SIDT2: variants seen among roughly 807,000 people sequenced by gnomAD.
SIDT2 encodes SID1 transmembrane family member 2.
A neutral mutation model predicts 114.4 loss-of-function variants in SIDT2; 68 were observed. That is an observed-to-expected ratio of 0.59 (90% CI 0.49 to 0.73). The LOEUF is 0.73. Ranked by LOEUF, SIDT2 falls within the 30% of genes least tolerant of loss-of-function variation. The probability of loss-of-function intolerance (pLI) is 0.00; values close to 1 mark genes in which losing one functional copy is unlikely to be tolerated. For missense variants in SIDT2, 918 were observed against 1,097.1 expected (o/e 0.84, Z 2.31); for synonymous variants, 470 against 438.4 (o/e 1.07, Z -0.90).
Position 117,190,856 on chromosome 11 carries a change from G to A in SIDT2, c.1735+116G>A. On this transcript the variant is annotated intron_variant, in intron 18 of 25. Transcript: ENST00000324225. This position sits in a 1 kb window ranked among gnomAD's most constrained non-coding sequence, Gnocchi z 4.1. ...AAGACACCCCTGTAGGAAACTCCAA[G>A]GCTGGCGTGCCTGGGTGTGCACACA... The A allele has an allele frequency of 1.3e-6, 1 of 783,378 alleles. No individual in the cohort carries two copies. The highest frequency in any genetic ancestry group is 1.6e-5 in the South Asian group (1 of 63,722). 48.5% of individuals were successfully genotyped at this position (783,378 alleles called of 1,614,324 possible). A position where few individuals can be genotyped will look rare whatever the true frequency, so the allele number is the denominator to read the frequency against.
rs1346711565 is a variant in SIDT2, at chr11:117,186,634, G to A, written c.1013G>A (p.Ser338Asn). 13 of 1,566,068 alleles carry A rather than the reference G, an allele frequency of 8.3e-6. No homozygotes were observed. Among genetic ancestry groups the A allele is most frequent in the Non-Finnish European group, 1.1e-5 (13 of 1,159,926 alleles). The change falls in exon 10 of 26, where the codon AGC (serine) becomes AAC (asparagine). Residue 338 changes from serine to asparagine, a missense_variant and splice_region_variant. Around this residue, in one of 4 missense-constraint regions of SIDT2, gnomAD observed 553 missense variants for 600.1 expected, o/e 0.92. Coordinates refer to ENST00000324225, the MANE Select transcript of SIDT2 (RefSeq NM_001040455.2). Reference protein sequence around the residue: ...LVAIDRACPESGHPRVLADSF... With the variant: ...LVAIDRACPENGHPRVLADSF... ...GCCATTGACCGAGCCTGCCCAGAAAGCGGTACCTCCAGGGGGCCTGGGTGG... is the reference window on the plus strand; with the variant it reads ...GCCATTGACCGAGCCTGCCCAGAAAACGGTACCTCCAGGGGGCCTGGGTGG...
chr11:117,189,707 G>T, intron 15 of SIDT2: 1 of 599,914 alleles, frequency 1.7e-6, no homozygotes, highest in Non-Finnish European at 3.0e-6. Flanking sequence ...TCTCTGTCCC[G>T]TGGGGCAAGA....
intron 13 of SIDT2, 89 bp from the exon 14 acceptor site, chr11:117,189,080 G>C: frequency 7.3e-7 from 1 of 1,370,476 alleles, no homozygotes; most frequent in East Asian, 2.3e-5. Flanking sequence ...GGCCCTGTGT[G>C]AGGGAGGCCC....
At position 117,192,592 on chromosome 11, in the gene SIDT2, G is replaced by A. The variant is rs1344796913; in HGVS notation, c.2000G>A (p.Arg667His). 33 of 1,609,362 alleles carry A rather than the reference G, an allele frequency of 2.1e-5. No individual in the cohort carries two copies. The highest frequency in any genetic ancestry group is 3.3e-5 in the Admixed American group (2 of 59,918). Reference protein sequence around the residue: ...RWKLDSGIFRRILHVLYTDCI... With the variant: ...RWKLDSGIFRHILHVLYTDCI... ...TTCGCAGACTCGGGGATCTTCCGCC[G>A]CATCCTCCACGTGCTCTACACAGAC... Residue 667 changes from arginine to histidine, a missense_variant, in exon 21 of 26, where the codon CGC becomes CAC. Arg to His is a conservative substitution (Grantham distance 29). Coordinates refer to ENST00000324225, the MANE Select transcript of SIDT2 (RefSeq NM_001040455.2). The surrounding 1 kb of genome is among the most constrained non-coding windows in gnomAD (Gnocchi z 5.9).
intron 13 of SIDT2, 91 bp from the exon 14 acceptor site, chr11:117,189,078 G>C (rs7933134): frequency 0.075 from 101,524 of 1,358,004 alleles, 5,234 homozygotes; most frequent in African/African-American, 0.25. Flanking sequence ...TCGGCCCTGT[G>C]TGAGGGAGGC....
At chr11:117,193,741 C>T (rs900539233) in intron 23 of SIDT2, 112 bp from the exon 24 acceptor site, 3 of 735,526 alleles carry the variant, frequency 4.1e-6, no homozygotes, top group Non-Finnish European at 4.7e-6. Context: ...AAGGAGCAGT[C>T]CTGAAGGCCT....
At chr11:117,189,609 G>T (rs763532638) in intron 15 of SIDT2, 3 of 618,802 alleles carry the variant, frequency 4.8e-6, no homozygotes, top group Admixed American at 3.0e-5. Flanking sequence ...GGAGCAGCCC[G>T]CACTAAAGAT....
rs540723648 is a variant in SIDT2, at chr11:117,191,180, G to C, written c.1735+440G>C. The C allele has an allele frequency of 5.4e-3, 844 of 155,682 alleles. 19 individuals carry two copies. The highest frequency in any genetic ancestry group is 2.6e-3 in the Non-Finnish European group (183 of 70,264). 9.6% of individuals were successfully genotyped at this position (155,682 alleles called of 1,614,324 possible). Reference sequence around the variant, plus strand: ...TAGTCCCAGCTGCTCGGGAGGCTGAGGCAGGAGAATGGCATGAATCCGGGA... The same window carrying C: ...TAGTCCCAGCTGCTCGGGAGGCTGACGCAGGAGAATGGCATGAATCCGGGA... On this transcript the variant is annotated intron_variant, in intron 18 of 25. Coordinates refer to ENST00000324225, the MANE Select transcript of SIDT2 (RefSeq NM_001040455.2).
chr11:117,187,786 C>T (rs1591769073), intron 12 of SIDT2, 87 bp downstream of exon 12: 1 of 1,304,312 alleles, frequency 7.7e-7, no homozygotes, highest in Admixed American at 1.7e-5. Flanking sequence ...CCTCTTCTGC[C>T]AGATGCTGGA....
chr11:117,181,204 A>G (rs1460635824), intron 1 of SIDT2, among the ~76,000 whole-genome samples: 5 of 152,018 alleles, frequency 3.3e-5, no homozygotes, highest in Non-Finnish European at 7.4e-5. Context: ...TGCCCTGCAC[A>G]TGTCTGCCGG....
At chr11:117,187,515 C>T (rs544155522) in intron 11 of SIDT2, 66 bp downstream of exon 11, 51 of 1,597,394 alleles carry the variant, frequency 3.2e-5, no homozygotes, top group Middle Eastern at 1.7e-4. Flanking sequence ...CCACCACCTC[C>T]GAGGCGGTAA....
In SIDT2 at chr11:117,186,574, GT is replaced by G. The variant is rs1322573272; in HGVS notation, c.963-9del. On this transcript the variant is annotated splice_polypyrimidine_tract_variant and intron_variant, in intron 9 of 25. Coordinates refer to ENST00000324225, the MANE Select transcript of SIDT2 (RefSeq NM_001040455.2). ...CCCATCTGGGTGGCCTGTGGGTTCTGTCCATGCAGGCAGAAGAAGAAGACCC... is the reference window on the plus strand; with the variant it reads ...CCCATCTGGGTGGCCTGTGGGTTCTGCCATGCAGGCAGAAGAAGAAGACCC... The G allele has an allele frequency of 1.9e-6, 3 of 1,555,028 alleles. No homozygotes were observed. Among genetic ancestry groups the G allele is most frequent in the Non-Finnish European group, 2.6e-6 (3 of 1,155,766 alleles).
chr11:117,189,324 C>T lies in SIDT2; in HGVS notation c.1353-11C>T, dbSNP rs755413141. Reference sequence around the variant, plus strand: ...TGCCACCCACCTCACTGCCGCCCTCCTGCTCCGCAGGAACATTGCCACCAT... The same window carrying T: ...TGCCACCCACCTCACTGCCGCCCTCTTGCTCCGCAGGAACATTGCCACCAT... On this transcript the variant is annotated splice_polypyrimidine_tract_variant and intron_variant, in intron 14 of 25. Coordinates refer to ENST00000324225, the MANE Select transcript of SIDT2 (RefSeq NM_001040455.2). 1 of 1,614,250 alleles carries T rather than the reference C, an allele frequency of 6.2e-7. No homozygotes were observed. The highest frequency in any genetic ancestry group is 8.5e-7 in the Non-Finnish European group (1 of 1,180,038).
intron 10 of SIDT2, chr11:117,187,143 TTCTC>T: frequency 8.2e-7 from 1 of 1,221,736 alleles, no homozygotes; most frequent in Non-Finnish European, 1.2e-6. Flanking sequence ...TTCTTGAACT[TTCTC>T]TCTCCTTAGG....
At position 117,181,427 on chromosome 11, in the gene SIDT2, G is replaced by C; in HGVS notation, c.195G>C (p.Val65=). ...HTVTRNRTEG[V]RVSVNVLNKQ... is the part of the protein sequence containing the mutation. Reference sequence around the variant, plus strand: ...ATGTCGTTCTGCAGACAGAGGGCGTGCGTGTGTCTGTGAACGTCCTGAACA... The same window carrying C: ...ATGTCGTTCTGCAGACAGAGGGCGTCCGTGTGTCTGTGAACGTCCTGAACA... Residue 65 remains valine, a synonymous_variant, in exon 2 of 26, where the codon GTG becomes GTC. Transcript: ENST00000324225. The C allele has an allele frequency of 1.9e-6, 3 of 1,613,536 alleles. No homozygotes were observed.
In SIDT2 at chr11:117,192,631, G is replaced by T; in HGVS notation, c.2039G>T (p.Cys680Phe). The T allele has an allele frequency of 1.2e-6, 2 of 1,612,172 alleles. No homozygotes were observed. The highest frequency in any genetic ancestry group is 1.7e-6 in the Non-Finnish European group (2 of 1,180,030). Reference sequence around the variant, plus strand: ...CTCTACACAGACTGCATCCGGCAGTGCAGCGGGCCGCTCTACGTGGTACCT... The same window carrying T: ...CTCTACACAGACTGCATCCGGCAGTTCAGCGGGCCGCTCTACGTGGTACCT... ...HVLYTDCIRQ[C>F]SGPLYVDRMV... The change falls in exon 21 of 26, where the codon TGC (cysteine) becomes TTC (phenylalanine). Residue 680 changes from cysteine to phenylalanine, a missense_variant. Cys to Phe is a radical substitution (Grantham distance 205). Transcript: ENST00000324225. This position sits in a 1 kb window ranked among gnomAD's most constrained non-coding sequence, Gnocchi z 5.9.
Position 117,181,981 on chromosome 11 carries a change from G to A in SIDT2, c.470+10G>A, listed in dbSNP as rs2030306146. On this transcript the variant is annotated intron_variant, in intron 3 of 25. Coordinates refer to ENST00000324225, the MANE Select transcript of SIDT2 (RefSeq NM_001040455.2). ...ACGATTTTGTGCTCAGGTCTGCAGG[G>A]TAGAGTGAGGGGACCACGGGGGCTG... The A allele has an allele frequency of 3.7e-6, 6 of 1,614,024 alleles. No homozygotes were observed. Among genetic ancestry groups the A allele is most frequent in the Non-Finnish European group, 5.1e-6 (6 of 1,180,002 alleles).
At chr11:117,184,161 G>T (rs779004895) in intron 8 of SIDT2, 22 bp downstream of exon 8, 7 of 1,610,916 alleles carry the variant, frequency 4.3e-6, no homozygotes, top group Non-Finnish European at 5.1e-6. Context: ...AGGTGGCTGA[G>T]AGGGGATGGA....
intron 1 of SIDT2, 169 bp downstream of exon 1, chr11:117,179,615 C>A: frequency 1.6e-6 from 1 of 627,544 alleles, no homozygotes; most frequent in Non-Finnish European, 2.6e-6. Flanking sequence ...CTTCCTTTGC[C>A]ACCAATGTTT....
Sources: allele counts gnomAD v4.1 joint callset (sites outside exome capture counted in the v4.1 genomes callset), GRCh38; gene constraint gnomAD v4.1.1; regional missense constraint gnomAD v4.1.1; non-coding constraint Gnocchi (gnomAD v3.1); transcripts MANE v1.5; gene names NCBI Gene and HGNC (gene_info 2026-07-23, HGNC 2026-07-21).